USP4: variants seen among roughly 807,000 people sequenced by gnomAD.
The protein encoded by USP4 is ubiquitin specific peptidase 4.
A neutral mutation model predicts 118.2 loss-of-function variants in USP4; 72 were observed. The observed-to-expected ratio is 0.61, with a 90% confidence interval of 0.50 to 0.74. USP4 has a LOEUF of 0.74. USP4 is among the 30% of genes least tolerant of loss of function. The pLI, the probability that USP4 is intolerant of heterozygous loss-of-function variation, is 0.00. For missense variants in USP4, 1,037 were observed against 1,185.7 expected, an observed-to-expected ratio of 0.87 and a Z score of 1.84; for synonymous variants, 415 against 440.4, an observed-to-expected ratio of 0.94 and a Z score of 0.72.
At position 49,278,402 on chromosome 3, in the gene USP4, TA is replaced by T; in HGVS notation, c.2782del (p.Tyr928IlefsTer100). 1 of 1,614,156 alleles carries T rather than the reference TA, an allele frequency of 6.2e-7. No individual in the cohort carries two copies. Among genetic ancestry groups the T allele is most frequent in the Non-Finnish European group, 8.5e-7 (1 of 1,180,022 alleles). On this transcript the variant is annotated frameshift_variant, in exon 22 of 22. Transcript: ENST00000265560. LOFTEE classifies it high-confidence loss of function. ...AGAACTGCTAAGTGAAGGTGTCTTA[TA>T]AAATTCATCATCTCGACGTTGGTAA... is the stretch of plus-strand genomic sequence containing the variant. ...LFYQRRDDEFYKTPSLSSSGS... is the reference protein window; with the variant it reads ...LFYQRRDDEFXKTPSLSSSGS...
intron 1 of USP4, among the ~76,000 whole-genome samples, chr3:49,339,042 G>C (rs1285324309): frequency 2.0e-5 from 3 of 152,112 alleles, no homozygotes; most frequent in Non-Finnish European, 2.9e-5. Flanking sequence ...AGCTACTCGG[G>C]AGGCTGAGGC....
intron 2 of USP4, 24 bp from the exon 3 acceptor site, chr3:49,327,840 A>G (rs983337619): frequency 2.6e-5 from 42 of 1,603,512 alleles, no homozygotes; most frequent in Non-Finnish European, 3.4e-5. Context: ...AGAGCACATA[A>G]GTCACTGCTC....
chr3:49,288,710 G>A (rs1231009220), intron 15 of USP4, among the ~76,000 whole-genome samples: 1 of 151,854 alleles, frequency 6.6e-6, no homozygotes, highest in Non-Finnish European at 1.5e-5. Flanking sequence ...GAAAAAGCAG[G>A]ATCCACTGAA....
At chr3:49,290,940 C>G (rs2047144959) in intron 15 of USP4, among the ~76,000 whole-genome samples, 1 of 152,064 alleles carries the variant, frequency 6.6e-6, no homozygotes, top group Non-Finnish European at 1.5e-5. Flanking sequence ...GATTGAACCA[C>G]TGCACTCCAG....
intron 13 of USP4, among the ~76,000 whole-genome samples, chr3:49,297,417 C>A (rs573100395): frequency 6.6e-5 from 10 of 152,322 alleles, no homozygotes; most frequent in Non-Finnish European, 1.3e-4. Flanking sequence ...CTGTTTAAAT[C>A]AGCCCTGTCA....
intron 6 of USP4, chr3:49,312,027 A>G (rs1475798475): frequency 2.6e-6 from 1 of 384,468 alleles, no homozygotes; most frequent in East Asian, 1.2e-4. Flanking sequence ...ACTAAAATGC[A>G]AAAGAAATTA....
At chr3:49,310,533 G>T in intron 8 of USP4, 87 bp downstream of exon 8, 1 of 1,143,198 alleles carries the variant, frequency 8.7e-7, no homozygotes, top group Non-Finnish European at 1.3e-6. Flanking sequence ...GGGACTCCTG[G>T]GAGAGGATCC....
intron 11 of USP4, among the ~76,000 whole-genome samples, chr3:49,300,242 T>C (rs1389182492): frequency 1.4e-5 from 2 of 147,276 alleles, no homozygotes; most frequent in Non-Finnish European, 1.5e-5. Flanking sequence ...CGACTCTGTC[T>C]CAAAAAAAAA....
At chr3:49,283,049 C>T (rs2047053285) in intron 19 of USP4, among the ~76,000 whole-genome samples, 1 of 104,922 alleles carries the variant, frequency 9.5e-6, no homozygotes. Context: ...TAGAGTCTCG[C>T]TCTGTCACCA....
Position 49,325,443 on chromosome 3 carries a change from C to T in USP4, c.487+276G>A, listed in dbSNP as rs141233680. 2.0e-5 allele frequency among the ~76,000 whole-genome samples: 3 copies of T among 151,984 alleles called. No individual in the cohort carries two copies. In the East Asian group the frequency reaches 5.8e-4, roughly 29 times the overall value. On this transcript the variant is annotated intron_variant, in intron 4 of 21. Transcript: ENST00000265560. ...GGATCGTAGCTCACTGTAAACCTTGCTGAGATTTTTAAATAAGTTATTTTT... is the reference window on the plus strand; with the variant it reads ...GGATCGTAGCTCACTGTAAACCTTGTTGAGATTTTTAAATAAGTTATTTTT...
chr3:49,326,663 G>A (rs1432116066), intron 3 of USP4, among the ~76,000 whole-genome samples: 1 of 151,432 alleles, frequency 6.6e-6, no homozygotes, highest in African/African-American at 2.4e-5. Context: ...CCAAAGTGCT[G>A]GGATTACAGG....
chr3:49,309,543 A>G (rs2047358339), intron 8 of USP4, among the ~76,000 whole-genome samples: 1 of 149,680 alleles, frequency 6.7e-6, no homozygotes, highest in Non-Finnish European at 1.5e-5. Flanking sequence ...GGTGTGAGCC[A>G]TTGCGCCTGG....
chr3:49,309,449 G>A (rs963249668), intron 8 of USP4, among the ~76,000 whole-genome samples: 2 of 151,784 alleles, frequency 1.3e-5, no homozygotes, highest in African/African-American at 2.4e-5. Flanking sequence ...TTTGAGACAG[G>A]GTCTCGCTAT....
chr3:49,298,022 G>A (rs1374806768), intron 12 of USP4, 58 bp from the exon 13 acceptor site: 3 of 1,104,860 alleles, frequency 2.7e-6, no homozygotes, highest in African/African-American at 3.1e-5. Flanking sequence ...CCTACTAACT[G>A]CTTAAAACCC....
Position 49,284,153 on chromosome 3 carries a change from C to A in USP4, c.2391-17G>T. 6.2e-7 allele frequency: 1 copy of A among 1,614,110 alleles called. No homozygotes were observed. Among genetic ancestry groups the A allele is most frequent in the Non-Finnish European group, 8.5e-7 (1 of 1,179,998 alleles). ...GGACAGTACCTAAAAAGAGAAACCT[C>A]CACTTAGCAGGGCAAGCCGGCAGCC... On this transcript the variant is annotated splice_polypyrimidine_tract_variant and intron_variant, in intron 18 of 21. Coordinates refer to ENST00000265560, the MANE Select transcript of USP4 (RefSeq NM_003363.4).
intron 15 of USP4, among the ~76,000 whole-genome samples, chr3:49,288,745 A>G (rs9874474): frequency 0.18 from 28,110 of 152,180 alleles, 2,863 homozygotes; most frequent in African/African-American, 0.25. Flanking sequence ...GTCACTCAGA[A>G]AATCAGCAGG....
rs371362064 is a variant in USP4 at position 49,314,420 on chromosome 3, G to A, written c.696-2766C>T. On this transcript the variant is annotated intron_variant, in intron 6 of 21. Transcript: ENST00000265560. Reference sequence around the variant, plus strand: ...GCAAAGGAGTCCAAGAACTCAAGCAGCTGCACTAAGTGAGATTCACCACAG... The same window carrying A: ...GCAAAGGAGTCCAAGAACTCAAGCAACTGCACTAAGTGAGATTCACCACAG... 2.6e-5 allele frequency among the ~76,000 whole-genome samples: 4 copies of A among 152,292 alleles called. No homozygotes were observed. The East Asian group carries it at 7.7e-4, about 29-fold the overall frequency.
intron 16 of USP4, among the ~76,000 whole-genome samples, chr3:49,285,304 G>GA (rs745971045): frequency 0.02 from 2,910 of 144,292 alleles, 37 homozygotes; most frequent in Middle Eastern, 0.04. Flanking sequence ...CTGACAGAAG[G>GA]AAAAAAAAAA....
At position 49,281,487 on chromosome 3, in the gene USP4, T is replaced by TACAC. The variant is rs1214724342; in HGVS notation, c.2541-641_2541-640insGTGT. Among the ~76,000 whole-genome samples, 6 of 113,422 alleles carry TACAC rather than the reference T, an allele frequency of 5.3e-5. No homozygotes were observed. The East Asian group carries it at 1.3e-3, about 25-fold the overall frequency. 74.4% of individuals were successfully genotyped at this position (113,422 alleles called of 152,430 possible). ...GAAAAAAAGTATGTGTATATATATATATATACACACACACACACACACACA... is the reference window on the plus strand; with the variant it reads ...GAAAAAAAGTATGTGTATATATATATACACATATACACACACACACACACACACA... On this transcript the variant is annotated intron_variant, in intron 19 of 21. Coordinates refer to ENST00000265560, the MANE Select transcript of USP4 (RefSeq NM_003363.4).
Sources: gnomAD v4.1 joint callset for allele counts (sites outside exome capture counted in the v4.1 genomes callset) on GRCh38, gnomAD v4.1.1 for gene constraint, MANE v1.5 for transcripts, NCBI Gene and HGNC (gene_info 2026-07-23, HGNC 2026-07-21) for gene names.